The following LHFPL3 variants were observed in gnomAD, a reference collection of about 807,000 sequenced individuals.
LHFPL3 encodes LHFPL tetraspan subfamily member 3 protein.
In LHFPL3, 5 loss-of-function variants were observed where a neutral mutation model predicts 19.3. That is an observed-to-expected ratio of 0.26 (90% CI 0.14 to 0.54). The LOEUF (loss-of-function observed/expected upper bound fraction) is 0.54. Among genes scored for constraint, LHFPL3 ranks in the 20% least tolerant of loss-of-function variants. The pLI, the probability that LHFPL3 is intolerant of heterozygous loss-of-function variation, is 0.94. For synonymous variants in LHFPL3, 133 were observed against 126.2 expected, an observed-to-expected ratio of 1.05 and a Z score of -0.36; for missense variants, 249 against 307.4, an observed-to-expected ratio of 0.81 and a Z score of 1.42.
chr7:104,505,224 C>T (rs1018493830), intron 1 of LHFPL3, among the ~76,000 whole-genome samples: 5 of 152,142 alleles, frequency 3.3e-5, no homozygotes, highest in African/African-American at 1.2e-4. Flanking sequence ...ATCATATAAC[C>T]AGTGGAATTT....
intron 2 of LHFPL3, chr7:104,896,084 A>G (rs1303392302): frequency 6.6e-6 from 1 of 152,176 alleles, no homozygotes; most frequent in Non-Finnish European, 1.5e-5. Context: ...GATCAGTCAT[A>G]TTGGATTAGG....
rs943966701 is a variant in LHFPL3, at chr7:104,447,365, TA to T, written c.445+118149del. The stretch of plus-strand genomic sequence containing the variant: ...GGATTCATTTTCTAAATATTGAATT[TA>T]AAAAAAATAGTACTTTTTCTAATTG... On this transcript the variant is annotated intron_variant, in intron 1 of 2. Transcript: ENST00000424859. Among the ~76,000 whole-genome samples, 32 of 151,984 alleles carry T rather than the reference TA, an allele frequency of 2.1e-4. No individual in the cohort carries two copies. In the East Asian group the frequency reaches 5.6e-3, roughly 27 times the overall value.
Position 104,682,493 on chromosome 7 carries a change from C to T in LHFPL3, c.446-54182C>T, listed in dbSNP as rs116085574. Among the ~76,000 whole-genome samples, 804 of 152,240 alleles carry T rather than the reference C, an allele frequency of 5.3e-3. 11 individuals are homozygous for T. Among genetic ancestry groups the T allele is most frequent in the African/African-American group, 0.017 (718 of 41,546 alleles). On this transcript the variant is annotated intron_variant, in intron 1 of 2. Coordinates refer to ENST00000424859, the MANE Select transcript of LHFPL3 (RefSeq NM_199000.3). ...GGGAAAATGTGAGAACCTAAGTGCCCAACATAGTGCCTGACAGCACTCAAT... is the reference window on the plus strand; with the variant it reads ...GGGAAAATGTGAGAACCTAAGTGCCTAACATAGTGCCTGACAGCACTCAAT...
intron 2 of LHFPL3, among the ~76,000 whole-genome samples, chr7:104,808,999 A>G (rs1790418803): frequency 6.8e-6 from 1 of 147,496 alleles, no homozygotes; most frequent in Non-Finnish European, 1.5e-5. Flanking sequence ...GGGTTTAAGC[A>G]ATTCTCCTCC....
At chr7:104,829,507 A>G (rs889172210) in intron 2 of LHFPL3, among the ~76,000 whole-genome samples, 5 of 150,312 alleles carry the variant, frequency 3.3e-5, no homozygotes, top group African/African-American at 4.9e-5. Context: ...CAGTCCCCGG[A>G]GTGTGATGTT....
At chr7:104,877,381 A>G (rs1047154283) in intron 2 of LHFPL3, among the ~76,000 whole-genome samples, 15 of 152,380 alleles carry the variant, frequency 9.8e-5, no homozygotes, top group African/African-American at 3.4e-4. Flanking sequence ...ACTTGTATCC[A>G]AAGTATGTAA....
In LHFPL3 at chr7:104,879,415, C is replaced by CA. The variant is rs111671847; in HGVS notation, c.683-26760dup. Among the ~76,000 whole-genome samples, 489 of 142,754 alleles carry CA rather than the reference C, an allele frequency of 3.4e-3. 13 individuals are homozygous for CA. The East Asian group carries it at 0.046, about 13-fold the overall frequency. 93.7% of individuals were successfully genotyped at this position (142,754 alleles called of 152,430 possible). A position where few individuals can be genotyped will look rare whatever the true frequency, so the allele number is the denominator to read the frequency against. On this transcript the variant is annotated intron_variant, in intron 2 of 2. Coordinates refer to ENST00000424859, the MANE Select transcript of LHFPL3 (RefSeq NM_199000.3). The stretch of plus-strand genomic sequence containing the variant: ...TGTGCAACAGAGTGAGACCCTGTCT[C>CA]AAAAAAAAAAAATTTTAAGGTGGAC...
intron 1 of LHFPL3, among the ~76,000 whole-genome samples, chr7:104,503,807 C>T (rs766090196): frequency 6.6e-6 from 1 of 152,116 alleles, no homozygotes; most frequent in Admixed American, 6.5e-5. Flanking sequence ...AGGGCTCAAG[C>T]AATCTGCTCA....
chr7:104,346,061 A>C (rs913586074), intron 1 of LHFPL3, among the ~76,000 whole-genome samples: 17 of 138,354 alleles, frequency 1.2e-4, no homozygotes, highest in African/African-American at 4.6e-4. Context: ...TTTTTCTTAG[A>C]GTCTCTCTCT....
At chr7:104,439,912 A>G (rs549201261) in intron 1 of LHFPL3, among the ~76,000 whole-genome samples, 53 of 152,178 alleles carry the variant, frequency 3.5e-4, no homozygotes, top group African/African-American at 1.2e-3. Flanking sequence ...CTTTATTCAC[A>G]ATGTGATCAT....
At chr7:104,443,157 T>G (rs1723681022) in intron 1 of LHFPL3, among the ~76,000 whole-genome samples, 1 of 152,144 alleles carries the variant, frequency 6.6e-6, no homozygotes, top group African/African-American at 2.4e-5. Context: ...AACTTGAGAT[T>G]GTATGGTCTT....
At chr7:104,867,079 G>A (rs2116650002) in intron 2 of LHFPL3, among the ~76,000 whole-genome samples, 1 of 152,320 alleles carries the variant, frequency 6.6e-6, no homozygotes, top group East Asian at 1.9e-4. Flanking sequence ...TCAAAGCAGT[G>A]TGTAGAGGGA....
At chr7:104,802,389 G>C (rs1414436788) in intron 2 of LHFPL3, among the ~76,000 whole-genome samples, 1 of 151,718 alleles carries the variant, frequency 6.6e-6, no homozygotes, top group Admixed American at 6.6e-5. Flanking sequence ...AGATACTGGT[G>C]GGGGCTGAGG....
chr7:104,460,171 G>T (rs2115566949), intron 1 of LHFPL3, among the ~76,000 whole-genome samples: 1 of 152,224 alleles, frequency 6.6e-6, no homozygotes, highest in South Asian at 2.1e-4. Flanking sequence ...TCCCATAGAA[G>T]ACATTATCTC....
intron 1 of LHFPL3, among the ~76,000 whole-genome samples, chr7:104,420,261 T>C (rs573454022): frequency 6.6e-6 from 1 of 152,356 alleles, no homozygotes; most frequent in East Asian, 1.9e-4. Context: ...GAGACCCGCC[T>C]ACTGGCATTG....
intron 1 of LHFPL3, among the ~76,000 whole-genome samples, chr7:104,636,270 A>G (rs1480245013): frequency 3.3e-5 from 5 of 152,216 alleles, no homozygotes; most frequent in African/African-American, 7.2e-5. Flanking sequence ...TATATTATAT[A>G]GAAATATGGA....
chr7:104,510,575 A>G (rs1793790145), intron 1 of LHFPL3, among the ~76,000 whole-genome samples: 1 of 152,206 alleles, frequency 6.6e-6, no homozygotes. Context: ...ATAAAACTGT[A>G]AAACCTTTAG....
intron 1 of LHFPL3, among the ~76,000 whole-genome samples, chr7:104,386,150 A>C (rs1260842925): frequency 6.6e-6 from 1 of 152,188 alleles, no homozygotes; most frequent in Non-Finnish European, 1.5e-5. Context: ...TGTAAACCAA[A>C]CAAACAAAAA....
intron 2 of LHFPL3, among the ~76,000 whole-genome samples, chr7:104,737,709 T>C (rs1793855655): frequency 6.6e-6 from 1 of 152,228 alleles, no homozygotes; most frequent in South Asian, 2.1e-4. Flanking sequence ...CTTAGATTCA[T>C]TTAACAGTTT....
Sources: gnomAD v4.1 joint callset for allele counts (sites outside exome capture counted in the v4.1 genomes callset) on GRCh38, gnomAD v4.1.1 for gene constraint, MANE v1.5 for transcripts, NCBI Gene and HGNC (gene_info 2026-07-23, HGNC 2026-07-21) for gene names.